GALNT10: variants seen among roughly 807,000 people sequenced by gnomAD.
GALNT10 encodes the protein polypeptide N-acetylgalactosaminyltransferase 10.
GALNT10 carries 41 observed loss-of-function variants against 75.0 expected under a neutral mutation model. The observed-to-expected ratio is 0.55, with a 90% CI of 0.43 to 0.71. The LOEUF (loss-of-function observed/expected upper bound fraction) is 0.71, where lower values mean the gene tolerates loss of function less well. GALNT10 is among the 30% of genes least tolerant of loss of function. GALNT10 has a pLI of 0.00. For synonymous variants in GALNT10, 302 were observed against 313.0 expected, an observed-to-expected ratio of 0.96 and a Z score of 0.37; for missense variants, 727 against 818.5, an observed-to-expected ratio of 0.89 and a Z score of 1.36.
At chr5:154,315,812 C>A (rs888546758) in intron 3 of GALNT10, among the ~76,000 whole-genome samples, 4 of 152,226 alleles carry the variant, frequency 2.6e-5, no homozygotes, top group African/African-American at 9.6e-5. Context: ...CTGACCTGAT[C>A]AGCATATAAA....
chr5:154,343,540 C>T (rs1755067066), intron 4 of GALNT10, among the ~76,000 whole-genome samples: 1 of 152,164 alleles, frequency 6.6e-6, no homozygotes, highest in Admixed American at 6.5e-5. Context: ...ACCATAATCA[C>T]CTGTTTGAGG....
At chr5:154,361,834 C>T (rs1223227826) in intron 4 of GALNT10, among the ~76,000 whole-genome samples, 6 of 152,178 alleles carry the variant, frequency 3.9e-5, no homozygotes, top group African/African-American at 1.4e-4. Context: ...AGGAGGACAG[C>T]GGTGACCCAC....
At chr5:154,233,636 T>C (rs1753198984) in intron 1 of GALNT10, among the ~76,000 whole-genome samples, 1 of 152,110 alleles carries the variant, frequency 6.6e-6, no homozygotes, top group South Asian at 2.1e-4. Context: ...CCGCCCACCA[T>C]GGTCTCTGTA....
chr5:154,281,709 T>C (rs986431873), intron 1 of GALNT10, among the ~76,000 whole-genome samples: 2 of 152,202 alleles, frequency 1.3e-5, no homozygotes, highest in East Asian at 3.8e-4. Flanking sequence ...ACGATTATAT[T>C]TGAATGGTTC....
intron 7 of GALNT10, among the ~76,000 whole-genome samples, chr5:154,403,493 G>A (rs946736654): frequency 1.3e-5 from 2 of 152,204 alleles, no homozygotes; most frequent in African/African-American, 4.8e-5. Context: ...GAGAAGGCAG[G>A]GCAGGGAGGC....
At chr5:154,382,038 G>A (rs1263352878) in intron 6 of GALNT10, among the ~76,000 whole-genome samples, 1 of 152,158 alleles carries the variant, frequency 6.6e-6, no homozygotes, top group Non-Finnish European at 1.5e-5. Context: ...CTGGGGAGTC[G>A]TACCTCTCAC....
intron 1 of GALNT10, among the ~76,000 whole-genome samples, chr5:154,204,919 G>A (rs1297745412): frequency 6.6e-6 from 1 of 152,196 alleles, no homozygotes; most frequent in Non-Finnish European, 1.5e-5. Flanking sequence ...CTTATTTACT[G>A]CTGTACCTTA....
chr5:154,293,613 A>ATATATATATATATATATATATATTTT, intron 1 of GALNT10, among the ~76,000 whole-genome samples: 4 of 109,412 alleles, frequency 3.7e-5, no homozygotes, highest in African/African-American at 1.7e-4. Context: ...ATATATATAT[A>ATATATATATATATATATATATATTTT]TTTTTTTTTT....
chr5:154,250,911 C>T (rs1443707132), intron 1 of GALNT10, among the ~76,000 whole-genome samples: 1 of 152,146 alleles, frequency 6.6e-6, no homozygotes, highest in Non-Finnish European at 1.5e-5. Flanking sequence ...ACTTTCTTGC[C>T]TTGCTTAGGC....
intron 3 of GALNT10, among the ~76,000 whole-genome samples, chr5:154,317,108 C>T (rs542308031): frequency 1.2e-4 from 18 of 152,276 alleles, no homozygotes; most frequent in African/African-American, 4.1e-4. Flanking sequence ...TAGGAACTTG[C>T]CGGGGTCTCA....
chr5:154,353,660 G>A (rs1019848165), intron 4 of GALNT10, among the ~76,000 whole-genome samples: 1 of 152,244 alleles, frequency 6.6e-6, no homozygotes, highest in Non-Finnish European at 1.5e-5. Context: ...CTGAGGGCCT[G>A]AGATTCTATG....
At chr5:154,343,948 C>T (rs950349644) in intron 4 of GALNT10, among the ~76,000 whole-genome samples, 11 of 152,166 alleles carry the variant, frequency 7.2e-5, no homozygotes, top group Admixed American at 7.2e-4. Flanking sequence ...GGTTTGCTGC[C>T]AGTGTCCTTT....
At chr5:154,384,906 G>C (rs1755787685) in intron 6 of GALNT10, among the ~76,000 whole-genome samples, 1 of 152,222 alleles carries the variant, frequency 6.6e-6, no homozygotes, top group Non-Finnish European at 1.5e-5. Flanking sequence ...ATGAGGTCGA[G>C]GTGAAGAGTA....
chr5:154,280,883 T>G (rs181471920), intron 1 of GALNT10, among the ~76,000 whole-genome samples: 3 of 152,312 alleles, frequency 2.0e-5, no homozygotes, highest in Admixed American at 2.0e-4. Flanking sequence ...TGAAAAGTTA[T>G]CCTTTACCTA....
In GALNT10 at chr5:154,380,517, G is replaced by A. The variant is rs781588576; in HGVS notation, c.824G>A (p.Arg275Gln). 29 of 1,613,876 alleles carry A rather than the reference G, an allele frequency of 1.8e-5. No homozygotes were observed. The highest frequency in any genetic ancestry group is 1.1e-4 in the East Asian group (5 of 44,872). ...MIDVIDHDDF[R>Q]YETQAGDAMR... ...GATGTAATTGACCATGACGACTTTC[G>A]GTACGAGACACAGGCAGGGGATGCC... is the stretch of plus-strand genomic sequence containing the variant. The change falls in exon 6 of 12, where the codon CGG becomes CAG. Residue 275 changes from arginine to glutamine, a missense_variant. Physicochemically the swap from Arg to Gln is conservative, Grantham distance 43. Transcript: ENST00000297107.
intron 1 of GALNT10, among the ~76,000 whole-genome samples, chr5:154,286,380 G>T (rs912510957): frequency 2.9e-5 from 4 of 137,724 alleles, no homozygotes; most frequent in East Asian, 2.0e-4. Context: ...GATCAGAGTC[G>T]ATTTGTTTTT....
intron 3 of GALNT10, among the ~76,000 whole-genome samples, chr5:154,327,218 A>AAAAAT (rs10623074): frequency 0.95 from 143,332 of 151,548 alleles, 67,736 homozygotes; most frequent in Middle Eastern, 0.98. Flanking sequence ...CCTGTCTCAA[A>AAAAAT]AAAATAAAAA....
chr5:154,373,044 G>T (rs1333295011), intron 4 of GALNT10, among the ~76,000 whole-genome samples: 1 of 152,212 alleles, frequency 6.6e-6, no homozygotes, highest in African/African-American at 2.4e-5. Flanking sequence ...GGGGTGATGA[G>T]TATGTGGCAT....
At chr5:154,359,118 T>C (rs911948715) in intron 4 of GALNT10, among the ~76,000 whole-genome samples, 2 of 152,134 alleles carry the variant, frequency 1.3e-5, no homozygotes, top group African/African-American at 2.4e-5. Context: ...TTGGTGCACA[T>C]TTTGGAGCGG....
Sources: allele counts gnomAD v4.1 joint callset (sites outside exome capture counted in the v4.1 genomes callset), GRCh38; gene constraint gnomAD v4.1.1; transcripts MANE v1.5; gene names NCBI Gene and HGNC (gene_info 2026-07-23, HGNC 2026-07-21).